The following DGUOK variants were observed in gnomAD, a reference collection of about 807,000 sequenced individuals.
DGUOK encodes deoxyguanosine kinase, mitochondrial.
DGUOK carries 30 observed loss-of-function variants against 36.6 expected under a neutral mutation model. That is an observed-to-expected ratio of 0.82 (90% CI 0.61 to 1.11). The LOEUF (loss-of-function observed/expected upper bound fraction) is 1.11, where lower values mean the gene tolerates loss of function less well. DGUOK is among the 50% of genes most tolerant of loss of function. DGUOK has a pLI of 0.00. For missense variants in DGUOK, 361 were observed against 336.4 expected (o/e 1.07, Z -0.57); for synonymous variants, 145 against 126.3 (o/e 1.15, Z -0.99).
rs138045655 is a variant in DGUOK at position 73,932,570 on chromosome 2, CAA to C, written c.142+5519_142+5520del. 3,376 of 1,261,418 alleles carry C rather than the reference CAA, an allele frequency of 2.7e-3. 77 individuals are homozygous for C. The African/African-American group carries it at 0.047, about 18-fold the overall frequency. The allele number at this position is 1,261,418 out of a possible 1,614,324, so 78.1% of individuals were successfully genotyped here. ...GAATGTATTAAACTGCTTTTTAAAT[CAA>C]GAGTGATCATCTTCTCTAATCACAG... On this transcript the variant is annotated intron_variant, in intron 1 of 6. Coordinates refer to ENST00000264093, the MANE Select transcript of DGUOK (RefSeq NM_080916.3).
intron 5 of DGUOK, among the ~76,000 whole-genome samples, chr2:73,957,778 T>G (rs974726876): frequency 1.3e-5 from 2 of 152,190 alleles, no homozygotes; most frequent in African/African-American, 4.8e-5. Flanking sequence ...GACTGAACAT[T>G]GTGATTGATG....
intron 1 of DGUOK, chr2:73,932,649 C>A: frequency 7.7e-7 from 1 of 1,295,448 alleles, no homozygotes; most frequent in Non-Finnish European, 1.0e-6. Flanking sequence ...GAAACCTGAA[C>A]AGGGAAGGTG....
At chr2:73,928,944 G>C (rs1353352755) in intron 1 of DGUOK, among the ~76,000 whole-genome samples, 1 of 152,124 alleles carries the variant, frequency 6.6e-6, no homozygotes, top group African/African-American at 2.4e-5. Flanking sequence ...AGAAATGATT[G>C]GGTTCTAGTT....
chr2:73,939,744 T>A (rs1408086887), intron 2 of DGUOK, among the ~76,000 whole-genome samples: 1 of 152,230 alleles, frequency 6.6e-6, no homozygotes, highest in South Asian at 2.1e-4. Flanking sequence ...TAACTCTAAT[T>A]ACTAAACAGT....
intron 1 of DGUOK, among the ~76,000 whole-genome samples, chr2:73,928,588 C>G (rs1477633310): frequency 6.6e-6 from 1 of 151,978 alleles, no homozygotes; most frequent in Non-Finnish European, 1.5e-5. Context: ...AAAGTGTGTT[C>G]GGGGAATAGG....
intron 1 of DGUOK, among the ~76,000 whole-genome samples, chr2:73,936,512 GT>G (rs975658186): frequency 1.3e-5 from 2 of 152,166 alleles, no homozygotes; most frequent in African/African-American, 4.8e-5. Context: ...TCAGAGAGGA[GT>G]TGGGGTGGCA....
In DGUOK at chr2:73,945,804, T is replaced by C. The variant is rs574123326; in HGVS notation, c.256-915T>C. 2.0e-5 allele frequency among the ~76,000 whole-genome samples: 3 copies of C among 152,224 alleles called. No individual in the cohort carries two copies. In the South Asian group the frequency reaches 6.2e-4, roughly 32 times the overall value. On this transcript the variant is annotated intron_variant, in intron 2 of 6. Transcript: ENST00000264093. The stretch of plus-strand genomic sequence containing the variant: ...GCTCACGCCTGTAATTCCAGCACTT[T>C]GGGAGGACAGGAGTTCGAGACCAGC...
chr2:73,930,452 T>C (rs1443103828), intron 1 of DGUOK, among the ~76,000 whole-genome samples: 1 of 152,180 alleles, frequency 6.6e-6, no homozygotes, highest in Non-Finnish European at 1.5e-5. Flanking sequence ...TATTTAAATA[T>C]GATGTTTTGT....
intron 1 of DGUOK, among the ~76,000 whole-genome samples, chr2:73,927,793 T>C (rs1355891635): frequency 6.6e-6 from 1 of 152,266 alleles, no homozygotes; most frequent in East Asian, 1.9e-4. Flanking sequence ...TTCGATTTAA[T>C]ATTAATAAAT....
chr2:73,954,479 G>T (rs1470463195), intron 4 of DGUOK, among the ~76,000 whole-genome samples: 1 of 152,094 alleles, frequency 6.6e-6, no homozygotes, highest in African/African-American at 2.4e-5. Flanking sequence ...AGACGAGCAT[G>T]GTCAACATAG....
At chr2:73,938,421 A>G (rs1681640401) in intron 1 of DGUOK, among the ~76,000 whole-genome samples, 1 of 152,188 alleles carries the variant, frequency 6.6e-6, no homozygotes, top group African/African-American at 2.4e-5. Flanking sequence ...TGTTTTGTTT[A>G]CCATTGTACC....
In DGUOK at chr2:73,946,739, T is replaced by C. The variant is rs1337659454; in HGVS notation, c.276T>C (p.Leu92=). The C allele has an allele frequency of 6.2e-7, 1 of 1,614,204 alleles. No homozygotes were observed. Among genetic ancestry groups the C allele is most frequent in the South Asian group, 1.1e-5 (1 of 91,086 alleles). ...GTQKACTAQS[L]GNLLDMMYRE... is the part of the protein sequence containing the mutation. Reference sequence around the variant, plus strand: ...TCTAGGCCTGCACTGCCCAAAGTCTTGGAAACTTGCTGGATATGATGTACC... The same window carrying C: ...TCTAGGCCTGCACTGCCCAAAGTCTCGGAAACTTGCTGGATATGATGTACC... Residue 92 remains leucine, a synonymous_variant, in exon 3 of 7, where the codon CTT becomes CTC. Transcript: ENST00000264093.
intron 2 of DGUOK, among the ~76,000 whole-genome samples, chr2:73,942,798 A>G (rs1163338819): frequency 6.6e-6 from 1 of 152,232 alleles, no homozygotes; most frequent in African/African-American, 2.4e-5. Context: ...AACTGCCTCT[A>G]ATATATCAGT....
Position 73,958,213 on chromosome 2 carries a change from G to A in DGUOK, c.775G>A (p.Glu259Lys). ...GGATGTCAATGATGATTTTTCTGAGGAAGTAACCAAACAAGAAGACCTCAT... is the reference window on the plus strand; with the variant it reads ...GGATGTCAATGATGATTTTTCTGAGAAAGTAACCAAACAAGAAGACCTCAT... ...VLDVNDDFSE[E>K]VTKQEDLMRE... is the part of the protein sequence containing the mutation. Residue 259 changes from glutamate (E) to lysine (K), a missense_variant, in exon 6 of 7, where the codon GAA becomes AAA. Physicochemically the swap from Glu to Lys is moderately conservative, Grantham distance 56 (BLOSUM62 1). Coordinates refer to ENST00000264093, the MANE Select transcript of DGUOK (RefSeq NM_080916.3). 6.2e-7 allele frequency: 1 copy of A among 1,613,852 alleles called. No homozygotes were observed. Among genetic ancestry groups the A allele is most frequent in the Non-Finnish European group, 8.5e-7 (1 of 1,179,836 alleles).
Position 73,958,161 on chromosome 2 carries a change from T to A in DGUOK, c.723T>A (p.Ala241=), listed in dbSNP as rs768045710. Reference sequence around the variant, plus strand: ...CTTCTTATAGGCTCCACTTTGAGGCTCTGATGAACATTCCAGTGCTGGTGT... The same window carrying A: ...CTTCTTATAGGCTCCACTTTGAGGCACTGATGAACATTCCAGTGCTGGTGT... The part of the protein sequence containing the change: ...IHKTTKLHFE[A]LMNIPVLVLD... The change falls in exon 6 of 7, where the codon GCT becomes GCA. Residue 241 remains alanine (A), a synonymous_variant. Transcript: ENST00000264093. 6.2e-7 allele frequency: 1 copy of A among 1,613,666 alleles called. No homozygotes were observed. The highest frequency in any genetic ancestry group is 8.5e-7 in the Non-Finnish European group (1 of 1,179,756).
At position 73,958,705 on chromosome 2, in the gene DGUOK, C is replaced by A; in HGVS notation, c.808-5C>A. On this transcript the variant is annotated splice_polypyrimidine_tract_variant and splice_region_variant and intron_variant, in intron 6 of 6. Coordinates refer to ENST00000264093, the MANE Select transcript of DGUOK (RefSeq NM_080916.3). ...ATTAAACTTCTGATTTTCTCCTTCC[C>A]ACAGGTAAACACCTTTGTAAAGAAT... is the stretch of plus-strand genomic sequence containing the variant. 1 of 1,610,574 alleles carries A rather than the reference C, an allele frequency of 6.2e-7. No homozygotes were observed. The highest frequency in any genetic ancestry group is 2.2e-5 in the East Asian group (1 of 44,880).
At position 73,957,237 on chromosome 2, in the gene DGUOK, C is replaced by T. The variant is rs375774789; in HGVS notation, c.704C>T (p.Thr235Met). The change falls in exon 5 of 7, where the codon ACG becomes ATG. Residue 235 changes from threonine (T) to methionine (M), a missense_variant. Coordinates refer to ENST00000264093, the MANE Select transcript of DGUOK (RefSeq NM_080916.3). Reference protein sequence around the residue: ...QHEAWLIHKTTKLHFEALMNI... With the variant: ...QHEAWLIHKTMKLHFEALMNI... ...GAAGCCTGGCTTATTCACAAGACAA[C>T]GAAGTAAGTGGGGAGAAAAGAATGT... The T allele has an allele frequency of 1.4e-5, 23 of 1,612,342 alleles. No individual in the cohort carries two copies. The highest frequency in any genetic ancestry group is 1.2e-4 in the African/African-American group (9 of 74,848).
intron 2 of DGUOK, among the ~76,000 whole-genome samples, chr2:73,942,516 C>T (rs1483656308): frequency 6.6e-6 from 1 of 151,930 alleles, no homozygotes; most frequent in Non-Finnish European, 1.5e-5. Context: ...ATCTTTTTTC[C>T]ACATCATCTT....
At chr2:73,933,180 C>T (rs568569576) in intron 1 of DGUOK, among the ~76,000 whole-genome samples, 1 of 152,186 alleles carries the variant, frequency 6.6e-6, no homozygotes, top group Non-Finnish European at 1.5e-5. Flanking sequence ...ATGTGTCTTA[C>T]TTATTTTAAG....
Sources: allele counts gnomAD v4.1 joint callset (sites outside exome capture counted in the v4.1 genomes callset), GRCh38; gene constraint gnomAD v4.1.1; transcripts MANE v1.5; gene names NCBI Gene and HGNC (gene_info 2026-07-23, HGNC 2026-07-21).